IL1RAPL1: variants seen among roughly 807,000 people sequenced by gnomAD.
IL1RAPL1 encodes interleukin-1 receptor accessory protein-like 1.
In IL1RAPL1, 3 loss-of-function variants were observed where a neutral mutation model predicts 48.4. That is an observed-to-expected ratio of 0.06 (90% CI 0.03 to 0.16). The LOEUF (loss-of-function observed/expected upper bound fraction) is 0.16. Among genes scored for constraint, IL1RAPL1 ranks in the 10% least tolerant of loss-of-function variants. The pLI is 1.00. For missense variants in IL1RAPL1, 349 were observed against 530.6 expected (o/e 0.66, Z 3.36); for synonymous variants, 185 against 187.7 (o/e 0.99, Z 0.12).
Position 29,423,764 on chromosome X carries a change from C to A in IL1RAPL1, c.703+24456C>A, listed in dbSNP as rs564332055. Among the ~76,000 whole-genome samples the A allele has an allele frequency of 1.7e-4, 19 of 111,583 alleles. No individual in the cohort carries two copies. The South Asian group carries it at 4.9e-3, about 29-fold the overall frequency. On this transcript the variant is annotated intron_variant, in intron 5 of 10. Coordinates refer to ENST00000378993, the MANE Select transcript of IL1RAPL1 (RefSeq NM_014271.4). ...TATTGAATGTCTACTATATGCACCACTCTAAGCACCTTGCATATACTATCT... is the reference window on the plus strand; with the variant it reads ...TATTGAATGTCTACTATATGCACCAATCTAAGCACCTTGCATATACTATCT...
At chrX:29,782,304 A>G (rs1253712829) in intron 6 of IL1RAPL1, among the ~76,000 whole-genome samples, 1 of 111,482 alleles carries the variant, frequency 9.0e-6, no homozygotes, top group Non-Finnish European at 1.9e-5. Context: ...TTCAGAACAT[A>G]TTTTTCTAAG....
intron 6 of IL1RAPL1, among the ~76,000 whole-genome samples, chrX:29,771,615 C>T (rs1395075008): frequency 1.8e-5 from 2 of 111,861 alleles, no homozygotes; most frequent in Non-Finnish European, 1.9e-5. Flanking sequence ...TGCTATTTAT[C>T]TATTTTCTTC....
intron 2 of IL1RAPL1, among the ~76,000 whole-genome samples, chrX:28,815,399 T>G (rs921611544): frequency 2.4e-4 from 27 of 110,790 alleles, no homozygotes; most frequent in Admixed American, 8.7e-4. Context: ...ATTCATAGAA[T>G]CAAATCAGGA....
At chrX:29,283,736 T>C (rs1273655298) in intron 3 of IL1RAPL1, among the ~76,000 whole-genome samples, 3 of 112,152 alleles carry the variant, frequency 2.7e-5, no homozygotes, top group African/African-American at 9.7e-5. Context: ...CCAAAACTTC[T>C]GGGTCAATAC....
intron 6 of IL1RAPL1, among the ~76,000 whole-genome samples, chrX:29,908,063 T>TATATATA (rs1932677883): frequency 9.0e-6 from 1 of 110,897 alleles, no homozygotes; most frequent in Non-Finnish European, 1.9e-5. Flanking sequence ...TGTAAGTACA[T>TATATATA]TAAATTTATT....
intron 2 of IL1RAPL1, among the ~76,000 whole-genome samples, chrX:29,280,394 G>A (rs1287965166): frequency 9.0e-6 from 1 of 111,095 alleles, no homozygotes; most frequent in Non-Finnish European, 1.9e-5. Context: ...ACCCAAATTT[G>A]GTAATTGAAA....
intron 1 of IL1RAPL1, among the ~76,000 whole-genome samples, chrX:28,628,841 G>A (rs1934369776): frequency 1.8e-5 from 2 of 111,653 alleles, no homozygotes; most frequent in African/African-American, 6.5e-5. Flanking sequence ...TACGGTTGAC[G>A]GGTTTTATTT....
At chrX:28,626,314 G>A (rs1190850585) in intron 1 of IL1RAPL1, among the ~76,000 whole-genome samples, 1 of 112,174 alleles carries the variant, frequency 8.9e-6, no homozygotes, top group Non-Finnish European at 1.9e-5. Flanking sequence ...ATAAAGAAAA[G>A]CTAGAAAAAT....
intron 5 of IL1RAPL1, among the ~76,000 whole-genome samples, chrX:29,598,274 G>A (rs188012971): frequency 3.6e-5 from 4 of 112,168 alleles, no homozygotes; most frequent in Non-Finnish European, 5.6e-5. Context: ...TCTTGATTTC[G>A]TTGTTAACCC....
intron 6 of IL1RAPL1, among the ~76,000 whole-genome samples, chrX:29,705,791 C>T (rs1372542214): frequency 8.9e-6 from 1 of 111,913 alleles, no homozygotes; most frequent in Non-Finnish European, 1.9e-5. Flanking sequence ...ATTAGAGCCA[C>T]GTTTTTAACA....
At chrX:28,812,075 A>T (rs887147806) in intron 2 of IL1RAPL1, among the ~76,000 whole-genome samples, 1 of 110,854 alleles carries the variant, frequency 9.0e-6, no homozygotes, top group African/African-American at 3.3e-5. Flanking sequence ...GCAGGATTCC[A>T]GGGGAAGAAA....
intron 3 of IL1RAPL1, among the ~76,000 whole-genome samples, chrX:29,381,094 G>A (rs1467765277): frequency 9.0e-6 from 1 of 110,925 alleles, no homozygotes; most frequent in Non-Finnish European, 1.9e-5. Flanking sequence ...AAAGTAAAGA[G>A]AGTAGCTTAG....
chrX:28,801,029 C>G (rs2147271136), intron 2 of IL1RAPL1, among the ~76,000 whole-genome samples: 1 of 109,235 alleles, frequency 9.2e-6, no homozygotes, highest in East Asian at 2.9e-4. Flanking sequence ...TTACAGGCAC[C>G]CGCCACCATG....
At chrX:29,583,768 C>G (rs966611404) in intron 5 of IL1RAPL1, among the ~76,000 whole-genome samples, 1 of 104,621 alleles carries the variant, frequency 9.6e-6, no homozygotes, top group African/African-American at 3.7e-5. Context: ...CAAGTCAATC[C>G]TAAGCCAAAA....
chrX:29,916,753 T>TA (rs1052648290), intron 6 of IL1RAPL1, among the ~76,000 whole-genome samples: 12 of 112,143 alleles, frequency 1.1e-4, no homozygotes, highest in Non-Finnish European at 1.9e-4. Flanking sequence ...GACTTCAATT[T>TA]ACCTTATTAA....
chrX:29,169,872 G>C (rs1223157063), intron 2 of IL1RAPL1, among the ~76,000 whole-genome samples: 3 of 110,717 alleles, frequency 2.7e-5, no homozygotes, highest in African/African-American at 9.8e-5. Context: ...AAAATCAAAT[G>C]TTACTTTGAA....
chrX:29,810,272 C>T (rs1025375634), intron 6 of IL1RAPL1, among the ~76,000 whole-genome samples: 9 of 110,304 alleles, frequency 8.2e-5, no homozygotes, highest in Non-Finnish European at 1.3e-4. Context: ...CTCACTGCAC[C>T]CTCCACCTCC....
At chrX:29,587,665 T>G (rs1923226420) in intron 5 of IL1RAPL1, among the ~76,000 whole-genome samples, 1 of 112,020 alleles carries the variant, frequency 8.9e-6, no homozygotes, top group Admixed American at 9.5e-5. Context: ...ATTTAAAAAA[T>G]AATAAATAAC....
At chrX:29,306,860 CAAAA>C (rs1168897352) in intron 3 of IL1RAPL1, among the ~76,000 whole-genome samples, 3 of 28,701 alleles carry the variant, frequency 1.0e-4, no homozygotes, top group African/African-American at 2.5e-4. Flanking sequence ...GACTCTGTCT[CAAAA>C]AAAAAAAAAA....
Sources: allele counts gnomAD v4.1 joint callset (sites outside exome capture counted in the v4.1 genomes callset), GRCh38; gene constraint gnomAD v4.1.1; transcripts MANE v1.5; gene names NCBI Gene and HGNC (gene_info 2026-07-23, HGNC 2026-07-21).